Variants in SNTG2 observed in about 807,000 individuals in gnomAD.
SNTG2 encodes the protein syntrophin gamma 2, also known as gamma-2-syntrophin.
SNTG2 carries 74 observed loss-of-function variants against 70.9 expected under a neutral mutation model. That is an observed-to-expected ratio of 1.04 (90% CI 0.86 to 1.27). The LOEUF is 1.27. Ranked by LOEUF, SNTG2 falls within the 50% of genes most tolerant of loss-of-function variation. SNTG2 has a pLI of 0.00. For missense variants in SNTG2, 717 were observed against 690.7 expected (o/e 1.04, Z -0.43); for synonymous variants, 278 against 273.8 (o/e 1.02, Z -0.15).
chr2:1,112,325 G>T (rs1666529310), intron 4 of SNTG2, among the ~76,000 whole-genome samples: 1 of 151,652 alleles, frequency 6.6e-6, no homozygotes, highest in African/African-American at 2.4e-5. Flanking sequence ...TACTAAGTGA[G>T]GTTTAACCCT....
chr2:1,226,475 C>T (rs1190529713), intron 9 of SNTG2, among the ~76,000 whole-genome samples: 1 of 152,170 alleles, frequency 6.6e-6, no homozygotes, highest in Non-Finnish European at 1.5e-5. Context: ...GTTGGAATCA[C>T]CCCATCAGTA....
At chr2:1,356,986 GA>G (rs1205092088) in intron 16 of SNTG2, among the ~76,000 whole-genome samples, 6 of 151,696 alleles carry the variant, frequency 4.0e-5, no homozygotes, top group Non-Finnish European at 7.4e-5. Context: ...TTAGTGCGTA[GA>G]AATGCAACTT....
chr2:1,050,666 T>C (rs941781311), intron 1 of SNTG2, among the ~76,000 whole-genome samples: 1 of 152,216 alleles, frequency 6.6e-6, no homozygotes, highest in Non-Finnish European at 1.5e-5. Flanking sequence ...CATTTAAAAT[T>C]TAGAGCCCCT....
In SNTG2 at chr2:1,025,612, G is replaced by T. The variant is rs1660436237; in HGVS notation, c.73-57906G>T. On this transcript the variant is annotated intron_variant, in intron 1 of 16. Coordinates refer to ENST00000308624, the MANE Select transcript of SNTG2 (RefSeq NM_018968.4). Reference sequence around the variant, plus strand: ...GACTGCCTGTGCGCCTTGGCTCCTGGCTACGTCCTCCATCTTCACATCATC... The same window carrying T: ...GACTGCCTGTGCGCCTTGGCTCCTGTCTACGTCCTCCATCTTCACATCATC... Among the ~76,000 whole-genome samples the T allele has an allele frequency of 2.0e-5, 3 of 152,114 alleles. No homozygotes were observed. The South Asian group carries it at 6.2e-4, about 32-fold the overall frequency.
In SNTG2 at chr2:1,239,728, C is replaced by T. The variant is rs1417292471; in HGVS notation, c.850-10C>T. On this transcript the variant is annotated splice_polypyrimidine_tract_variant and intron_variant, in intron 10 of 16. Coordinates refer to ENST00000308624, the MANE Select transcript of SNTG2 (RefSeq NM_018968.4). ...GCTGTGGCCCTGACTCTTCTGCCTT[C>T]TCTCCACAGATGAAGATGGCGAACA... is the stretch of plus-strand genomic sequence containing the variant. 8 of 1,613,132 alleles carry T rather than the reference C, an allele frequency of 5.0e-6. No homozygotes were observed. In the South Asian group the frequency reaches 7.7e-5, roughly 16 times the overall value.
At chr2:1,115,425 T>C (rs1168863586) in intron 4 of SNTG2, among the ~76,000 whole-genome samples, 2 of 149,126 alleles carry the variant, frequency 1.3e-5, no homozygotes, top group Non-Finnish European at 3.0e-5. Context: ...TTTAGGAGAA[T>C]TGTGTTTACT....
At chr2:1,284,824 T>A (rs1458991850) in intron 14 of SNTG2, among the ~76,000 whole-genome samples, 1 of 152,136 alleles carries the variant, frequency 6.6e-6, no homozygotes. Context: ...ATGACAAACA[T>A]TTATTGCACA....
chr2:1,044,241 T>C (rs1054467362), intron 1 of SNTG2, among the ~76,000 whole-genome samples: 2 of 152,172 alleles, frequency 1.3e-5, no homozygotes, highest in Non-Finnish European at 2.9e-5. Flanking sequence ...CTACTAATTT[T>C]GCACATTGAT....
chr2:1,050,950 A>G (rs1447379916), intron 1 of SNTG2, among the ~76,000 whole-genome samples: 3 of 152,200 alleles, frequency 2.0e-5, no homozygotes, highest in Non-Finnish European at 4.4e-5. Flanking sequence ...TTTTATTTCA[A>G]CTATTTTTTG....
At chr2:1,310,089 T>G (rs1680905351) in intron 15 of SNTG2, among the ~76,000 whole-genome samples, 1 of 152,242 alleles carries the variant, frequency 6.6e-6, no homozygotes, top group Non-Finnish European at 1.5e-5. Flanking sequence ...TTCTGCTTCT[T>G]GCTCTGTGTT....
intron 4 of SNTG2, among the ~76,000 whole-genome samples, chr2:1,100,340 T>C (rs1238912508): frequency 6.6e-6 from 1 of 152,082 alleles, no homozygotes; most frequent in Non-Finnish European, 1.5e-5. Context: ...CTAATTTTTG[T>C]ATTTTTAGTA....
chr2:1,221,230 G>A (rs57230519), intron 9 of SNTG2, among the ~76,000 whole-genome samples: 31,853 of 136,504 alleles, frequency 0.23, 5,122 homozygotes, highest in African/African-American at 0.47. Flanking sequence ...CTCTGAGTCT[G>A]TCTCTGCCTC....
At chr2:1,186,210 T>G (rs180776458) in intron 8 of SNTG2, among the ~76,000 whole-genome samples, 2 of 152,284 alleles carry the variant, frequency 1.3e-5, no homozygotes, top group Admixed American at 1.3e-4. Flanking sequence ...TTCTAATAAG[T>G]CCCTCATTTC....
intron 1 of SNTG2, among the ~76,000 whole-genome samples, chr2:997,389 T>C (rs1463156808): frequency 6.6e-6 from 1 of 152,154 alleles, no homozygotes; most frequent in Admixed American, 6.5e-5. Context: ...TGACTTGACA[T>C]GCAGAAAATG....
chr2:1,064,157 TAATG>T (rs1663003581), intron 1 of SNTG2, among the ~76,000 whole-genome samples: 1 of 151,748 alleles, frequency 6.6e-6, no homozygotes. Flanking sequence ...AAGAAAAAAA[TAATG>T]AACCTAGAAT....
At chr2:1,028,449 G>A (rs1455768600) in intron 1 of SNTG2, among the ~76,000 whole-genome samples, 2 of 152,226 alleles carry the variant, frequency 1.3e-5, no homozygotes, top group Non-Finnish European at 2.9e-5. Flanking sequence ...CATCTGTAGT[G>A]TTTAAAATCC....
chr2:1,104,269 C>T (rs534552946), intron 4 of SNTG2, among the ~76,000 whole-genome samples: 4 of 152,206 alleles, frequency 2.6e-5, no homozygotes, highest in South Asian at 2.1e-4. Context: ...CACATTTCTT[C>T]GGTTATTGCT....
At chr2:954,639 A>G (rs893898604) in intron 1 of SNTG2, among the ~76,000 whole-genome samples, 1 of 152,104 alleles carries the variant, frequency 6.6e-6, no homozygotes, top group African/African-American at 2.4e-5. Flanking sequence ...TATCCTTCCT[A>G]TTTCTGTATT....
At chr2:1,278,068 C>G (rs1033399227) in intron 14 of SNTG2, among the ~76,000 whole-genome samples, 1 of 152,334 alleles carries the variant, frequency 6.6e-6, no homozygotes, top group East Asian at 1.9e-4. Flanking sequence ...ATCAGTTAAT[C>G]GGTAAAATTT....
Sources: allele counts gnomAD v4.1 joint callset (sites outside exome capture counted in the v4.1 genomes callset), GRCh38; gene constraint gnomAD v4.1.1; transcripts MANE v1.5; gene names NCBI Gene and HGNC (gene_info 2026-07-23, HGNC 2026-07-21).